The following DPY19L3 variants were observed in gnomAD, a reference collection of about 807,000 sequenced individuals.
DPY19L3 encodes protein C-mannosyl-transferase DPY19L3.
In DPY19L3, 51 loss-of-function variants were observed where a neutral mutation model predicts 92.3. The observed-to-expected ratio is 0.55, with a 90% CI of 0.44 to 0.70. DPY19L3 has a LOEUF of 0.70. Ranked by LOEUF, DPY19L3 falls within the 30% of genes least tolerant of loss-of-function variation. DPY19L3 has a pLI of 0.00. For synonymous variants in DPY19L3, 309 were observed against 315.2 expected (o/e 0.98, Z 0.21); for missense variants, 706 against 855.9 (o/e 0.82, Z 2.18).
At chr19:32,442,521 T>TAAGAGGAATTTGAGAGGTAGAG (rs1555720892) in intron 8 of DPY19L3, among the ~76,000 whole-genome samples, 2 of 152,000 alleles carry the variant, frequency 1.3e-5, no homozygotes, top group African/African-American at 4.8e-5. Context: ...ATAACAAACA[T>TAAGAGGAATTTGAGAGGTAGAG]AAGAGGAATT....
chr19:32,459,267 G>A (rs1025262541), intron 12 of DPY19L3, among the ~76,000 whole-genome samples: 3 of 152,104 alleles, frequency 2.0e-5, no homozygotes, highest in Non-Finnish European at 4.4e-5. Context: ...TTGACTCTTC[G>A]TGTTAAACTG....
intron 3 of DPY19L3, among the ~76,000 whole-genome samples, chr19:32,430,528 CAA>C (rs1249035097): frequency 1.3e-5 from 2 of 151,954 alleles, no homozygotes; most frequent in South Asian, 2.1e-4. Context: ...AATTAACAAA[CAA>C]TGATAAAAAG....
chr19:32,441,412 C>T (rs1425087220), intron 8 of DPY19L3, among the ~76,000 whole-genome samples: 1 of 151,588 alleles, frequency 6.6e-6, no homozygotes, highest in Non-Finnish European at 1.5e-5. Context: ...AAAGTATCAA[C>T]AGTCAGCTAC....
intron 3 of DPY19L3, 84 bp from the exon 4 acceptor site, chr19:32,432,632 C>T (rs1969006298): frequency 2.7e-6 from 3 of 1,127,334 alleles, no homozygotes; most frequent in East Asian, 2.5e-5. Context: ...TTTCAAGTTG[C>T]AGTTATGTAT....
chr19:32,422,827 A>ATTC (rs1968619205), intron 3 of DPY19L3, among the ~76,000 whole-genome samples: 1 of 152,236 alleles, frequency 6.6e-6, no homozygotes, highest in Non-Finnish European at 1.5e-5. Context: ...ACCTTTGGAC[A>ATTC]TTCTAGACGA....
chr19:32,474,644 G>A (rs1184873441), intron 16 of DPY19L3, among the ~76,000 whole-genome samples: 4 of 152,124 alleles, frequency 2.6e-5, no homozygotes, highest in African/African-American at 7.2e-5. Flanking sequence ...AGGCTGGAGT[G>A]CAGTGGCACG....
intron 16 of DPY19L3, among the ~76,000 whole-genome samples, chr19:32,471,962 C>G (rs1970370982): frequency 1.3e-5 from 2 of 152,108 alleles, no homozygotes; most frequent in South Asian, 4.1e-4. Flanking sequence ...GTTCATCGAG[C>G]CCCAGCTGTG....
At chr19:32,458,878 T>C (rs971545824) in intron 12 of DPY19L3, among the ~76,000 whole-genome samples, 1 of 152,226 alleles carries the variant, frequency 6.6e-6, no homozygotes, top group Non-Finnish European at 1.5e-5. Context: ...AAATAGTGTC[T>C]GGTGCCTAGA....
In DPY19L3 at chr19:32,464,788, A is replaced by G; in HGVS notation, c.1614+4A>G. The G allele has an allele frequency of 6.6e-7, 1 of 1,512,468 alleles. No homozygotes were observed. The highest frequency in any genetic ancestry group is 1.3e-5 in the South Asian group (1 of 79,468). 93.7% of individuals were successfully genotyped at this position (1,512,468 alleles called of 1,614,324 possible). A position where few individuals can be genotyped will look rare whatever the true frequency, so the allele number is the denominator to read the frequency against. ...ACTGCTGTATCTATGCTATAAGGTA[A>G]GACTGATTTTCCTCATTCTTGTCAT... On this transcript the variant is annotated splice_donor_region_variant and intron_variant, in intron 15 of 18. Coordinates refer to ENST00000392250, the MANE Select transcript of DPY19L3 (RefSeq NM_001172774.2).
chr19:32,413,752 TTCTC>T (rs772905565), intron 3 of DPY19L3, among the ~76,000 whole-genome samples: 27 of 152,098 alleles, frequency 1.8e-4, no homozygotes, highest in African/African-American at 6.3e-4. Flanking sequence ...GGCAGGGTCT[TTCTC>T]TGTCCCCAGG....
chr19:32,409,669 T>A (rs1372063836), intron 2 of DPY19L3, among the ~76,000 whole-genome samples: 1 of 152,174 alleles, frequency 6.6e-6, no homozygotes, highest in East Asian at 1.9e-4. Context: ...AAGCTTCCAG[T>A]CGTGGCAGAA....
intron 8 of DPY19L3, among the ~76,000 whole-genome samples, chr19:32,448,962 C>T (rs963288291): frequency 7.2e-5 from 11 of 152,274 alleles, no homozygotes; most frequent in African/African-American, 2.4e-4. Flanking sequence ...TGTTGTTACA[C>T]AAACTGCCCC....
At chr19:32,457,764 T>C (rs1243991286) in intron 10 of DPY19L3, among the ~76,000 whole-genome samples, 2 of 152,222 alleles carry the variant, frequency 1.3e-5, no homozygotes, top group African/African-American at 2.4e-5. Context: ...TTGTCAGTTT[T>C]CTGGTCTGAA....
chr19:32,460,494 G>A (rs1970003314), intron 12 of DPY19L3, among the ~76,000 whole-genome samples: 1 of 152,144 alleles, frequency 6.6e-6, no homozygotes, highest in African/African-American at 2.4e-5. Context: ...TGCAGGACTG[G>A]AAGTTTTTCT....
chr19:32,473,609 A>G (rs1255137106), intron 16 of DPY19L3, among the ~76,000 whole-genome samples: 1 of 152,158 alleles, frequency 6.6e-6, no homozygotes, highest in Non-Finnish European at 1.5e-5. Flanking sequence ...TTTGTTTCTC[A>G]TTTTGTTCCA....
chr19:32,418,755 A>G (rs1244555719), intron 3 of DPY19L3, among the ~76,000 whole-genome samples: 1 of 152,188 alleles, frequency 6.6e-6, no homozygotes, highest in Non-Finnish European at 1.5e-5. Context: ...TTTAATGAAA[A>G]TACTTTGATT....
At chr19:32,477,780 T>G (rs1200814500) in intron 17 of DPY19L3, 126 bp downstream of exon 17, 1 of 1,297,842 alleles carries the variant, frequency 7.7e-7, no homozygotes, top group Non-Finnish European at 1.0e-6. Context: ...TGAATTAGTC[T>G]GTTTTCACGC....
In DPY19L3 at chr19:32,451,357, A is replaced by G. The variant is rs144124139; in HGVS notation, c.856-1788A>G. Reference sequence around the variant, plus strand: ...TGGGTTTTGACTCAAGAGCCCACCTATTGATTGCTATTTCTTTTTTGTGTT... The same window carrying G: ...TGGGTTTTGACTCAAGAGCCCACCTGTTGATTGCTATTTCTTTTTTGTGTT... On this transcript the variant is annotated intron_variant, in intron 8 of 18. Coordinates refer to ENST00000392250, the MANE Select transcript of DPY19L3 (RefSeq NM_001172774.2). Among the ~76,000 whole-genome samples, 702 of 152,242 alleles carry G rather than the reference A, an allele frequency of 4.6e-3. 7 individuals carry two copies. The highest frequency in any genetic ancestry group is 0.015 in the East Asian group (79 of 5,180).
intron 16 of DPY19L3, among the ~76,000 whole-genome samples, chr19:32,475,294 G>A (rs770402887): frequency 6.6e-6 from 1 of 152,216 alleles, no homozygotes; most frequent in Non-Finnish European, 1.5e-5. Context: ...TAGAAGGCCA[G>A]CTTGGCACTG....
Sources: allele counts gnomAD v4.1 joint callset (sites outside exome capture counted in the v4.1 genomes callset), GRCh38; gene constraint gnomAD v4.1.1; transcripts MANE v1.5; gene names NCBI Gene and HGNC (gene_info 2026-07-23, HGNC 2026-07-21).